PRDX3: variants seen among roughly 807,000 people sequenced by gnomAD.
The protein encoded by PRDX3 is thioredoxin-dependent peroxide reductase, mitochondrial.
PRDX3 carries 20 observed loss-of-function variants against 30.4 expected under a neutral mutation model. That is an observed-to-expected ratio of 0.66 (90% CI 0.46 to 0.96). The LOEUF (loss-of-function observed/expected upper bound fraction) is 0.96, where lower values mean the gene tolerates loss of function less well. Among genes scored for constraint, PRDX3 ranks in the 40% least tolerant of loss-of-function variants. The pLI is 0.00. For missense variants in PRDX3, 322 were observed against 318.3 expected, an observed-to-expected ratio of 1.01 and a Z score of -0.09; for synonymous variants, 124 against 117.8, an observed-to-expected ratio of 1.05 and a Z score of -0.34.
At chr10:119,178,611 G>T in intron 1 of PRDX3, 144 bp downstream of exon 1, 1 of 1,032,044 alleles carries the variant, frequency 9.7e-7, no homozygotes. Context: ...CTTCCCGGAG[G>T]GAGGCCTCTG....
chr10:119,168,433 C>T lies in PRDX3; in HGVS notation c.*47G>A. ...TGAAAATGATAAAAGCAGGTTTCAACTGTGGTTCTTCTCTCAGTTGAGAAG... is the reference window on the plus strand; with the variant it reads ...TGAAAATGATAAAAGCAGGTTTCAATTGTGGTTCTTCTCTCAGTTGAGAAG... On this transcript the variant is annotated 3_prime_UTR_variant, in exon 7 of 7. Coordinates refer to ENST00000298510, the MANE Select transcript of PRDX3 (RefSeq NM_006793.5). 2 of 1,609,816 alleles carry T rather than the reference C, an allele frequency of 1.2e-6. No homozygotes were observed. The highest frequency in any genetic ancestry group is 1.7e-6 in the Non-Finnish European group (2 of 1,179,220).
Position 119,177,168 on chromosome 10 carries a change from T to C in PRDX3, c.37-15A>G, listed in dbSNP as rs747590354. On this transcript the variant is annotated splice_polypyrimidine_tract_variant and intron_variant, in intron 1 of 6. Transcript: ENST00000298510. ...TGTCGGGCAACCTGGAAAGAGAAAC[T>C]TTTTATTAGAAAGTTTTCCTGGACT... The C allele has an allele frequency of 6.2e-7, 1 of 1,612,000 alleles. No individual in the cohort carries two copies. The highest frequency in any genetic ancestry group is 2.2e-5 in the East Asian group (1 of 44,884).
intron 2 of PRDX3, among the ~76,000 whole-genome samples, chr10:119,175,960 T>C (rs1482156484): frequency 1.3e-5 from 2 of 151,800 alleles, no homozygotes; most frequent in African/African-American, 2.4e-5. Context: ...TTTTAAGTAT[T>C]TTTAGTAGAG....
intron 5 of PRDX3, among the ~76,000 whole-genome samples, chr10:119,171,671 GT>G (rs1847910765): frequency 6.6e-6 from 1 of 152,196 alleles, no homozygotes. Flanking sequence ...AACTCTAGCT[GT>G]GTCACTATTT....
chr10:119,178,744 C>G lies in PRDX3; in HGVS notation c.36+11G>C. The stretch of plus-strand genomic sequence containing the variant: ...TGTCTCCACGCCTGTCCCCAGCCGA[C>G]AGCCACTCACCGACGCTCGGAGCAA... On this transcript the variant is annotated intron_variant, in intron 1 of 6. Coordinates refer to ENST00000298510, the MANE Select transcript of PRDX3 (RefSeq NM_006793.5). 1 of 1,551,672 alleles carries G rather than the reference C, an allele frequency of 6.4e-7. No individual in the cohort carries two copies. Among genetic ancestry groups the G allele is most frequent in the Non-Finnish European group, 8.7e-7 (1 of 1,147,492 alleles).
rs1162859439 is a variant in PRDX3, at chr10:119,178,797, T to C, written c.-7A>G. On this transcript the variant is annotated 5_prime_UTR_variant, in exon 1 of 7. Transcript: ENST00000298510. The stretch of plus-strand genomic sequence containing the variant: ...GTCCTACAGCAGCCGCCATCTTCAG[T>C]GCACTCGGGCGCCACGGGGCGGGCA... 27 of 1,548,606 alleles carry C rather than the reference T, an allele frequency of 1.7e-5. No individual in the cohort carries two copies. Among genetic ancestry groups the C allele is most frequent in the Admixed American group, 7.8e-5 (4 of 51,086 alleles).
At chr10:119,174,723 G>T in intron 2 of PRDX3, 131 bp from the exon 3 acceptor site, 1 of 910,438 alleles carries the variant, frequency 1.1e-6, no homozygotes, top group Non-Finnish European at 1.6e-6. Context: ...CGGTTCAACT[G>T]TACATCTTAG....
rs1189311700 is a variant in PRDX3 at position 119,172,784 on chromosome 10, T to A, written c.448-299A>T. On this transcript the variant is annotated intron_variant, in intron 4 of 6. Transcript: ENST00000298510. ...TATAGACCTTTTCCAATTTTTTTTT[T>A]AAGACACAGAGTCTCGCTGTCACCA... 3.3e-5 allele frequency among the ~76,000 whole-genome samples: 5 copies of A among 152,058 alleles called. No individual in the cohort carries two copies. The East Asian group carries it at 9.6e-4, about 29-fold the overall frequency.
rs1589662901 is a variant in PRDX3 at position 119,172,978 on chromosome 10, GC to G, written c.448-494del. Among the ~76,000 whole-genome samples, 6 of 151,884 alleles carry G rather than the reference GC, an allele frequency of 4.0e-5. No individual in the cohort carries two copies. The East Asian group carries it at 1.2e-3, about 29-fold the overall frequency. On this transcript the variant is annotated intron_variant, in intron 4 of 6. Transcript: ENST00000298510. ...TTTTGAGATGGAGTCTCGCTCTGTC[GC>G]CCAGGCTGGAGTGCAGTGGTGCGAT...
chr10:119,168,439 T>C lies in PRDX3; in HGVS notation c.*41A>G, dbSNP rs770898211. 52 of 1,610,190 alleles carry C rather than the reference T, an allele frequency of 3.2e-5. No homozygotes were observed. The highest frequency in any genetic ancestry group is 6.7e-5 in the East Asian group (3 of 44,846). ...TGATAAAAGCAGGTTTCAACTGTGGTTCTTCTCTCAGTTGAGAAGGTGCAG... is the reference window on the plus strand; with the variant it reads ...TGATAAAAGCAGGTTTCAACTGTGGCTCTTCTCTCAGTTGAGAAGGTGCAG... On this transcript the variant is annotated 3_prime_UTR_variant, in exon 7 of 7. Coordinates refer to ENST00000298510, the MANE Select transcript of PRDX3 (RefSeq NM_006793.5).
At chr10:119,173,308 TA>T (rs200887547) in intron 4 of PRDX3, among the ~76,000 whole-genome samples, 2 of 151,720 alleles carry the variant, frequency 1.3e-5, no homozygotes, top group Non-Finnish European at 2.9e-5. Flanking sequence ...AGAGTAATAA[TA>T]AAAAAAATAC....
At position 119,169,358 on chromosome 10, in the gene PRDX3, T is replaced by C; in HGVS notation, c.552-16A>G. 3 of 1,609,934 alleles carry C rather than the reference T, an allele frequency of 1.9e-6. No individual in the cohort carries two copies. The highest frequency in any genetic ancestry group is 1.7e-6 in the Non-Finnish European group (2 of 1,177,220). ...GAAGAGACCTCTGCATGATCATTTA[T>C]CCTCATCAGTGCCTCAACAGTACCA... On this transcript the variant is annotated splice_polypyrimidine_tract_variant and intron_variant, in intron 5 of 6. Coordinates refer to ENST00000298510, the MANE Select transcript of PRDX3 (RefSeq NM_006793.5).
At chr10:119,176,874 TTGTCTGGGGTGGGACGGGGGCAG>T (rs2133665214) in intron 2 of PRDX3, 124 bp downstream of exon 2, 2 of 930,516 alleles carry the variant, frequency 2.1e-6, no homozygotes, top group East Asian at 5.0e-5. Context: ...ACAGACTAAC[TTGTCTGGGGTGGGACGGGGGCAG>T]TGCTGTGTTC....
rs574617414 is a variant in PRDX3, at chr10:119,173,858, G to A, written c.326C>T (p.Pro109Leu). Residue 109 changes from proline (P) to leucine (L), a missense_variant, in exon 4 of 7, where the codon CCT becomes CTT. Pro to Leu is a moderately conservative substitution (Grantham distance 98). Coordinates refer to ENST00000298510, the MANE Select transcript of PRDX3 (RefSeq NM_006793.5). ...GTCACTAAAAGCAACAATTTCTGTA[G>A]GACACACAAAGGTGCTGGAAAAAAA... ...FYPLDFTFVC[P>L]TEIVAFSDKA... 1 of 1,608,130 alleles carries A rather than the reference G, an allele frequency of 6.2e-7. No homozygotes were observed. The highest frequency in any genetic ancestry group is 8.5e-7 in the Non-Finnish European group (1 of 1,175,776).
intron 2 of PRDX3, among the ~76,000 whole-genome samples, chr10:119,175,669 A>G (rs947247636): frequency 2.0e-5 from 3 of 152,082 alleles, no homozygotes; most frequent in Non-Finnish European, 4.4e-5. Flanking sequence ...TGCTGGGATT[A>G]CAGGCGTGAG....
chr10:119,174,014 T>C, intron 3 of PRDX3, 142 bp from the exon 4 acceptor site: 1 of 710,274 alleles, frequency 1.4e-6, no homozygotes, highest in Non-Finnish European at 2.1e-6. Context: ...AGTGTTGTGC[T>C]GGCAAAAGTA....
Position 119,168,293 on chromosome 10 carries a change from C to A in PRDX3, c.*187G>T. The A allele has an allele frequency of 8.3e-7, 1 of 1,212,076 alleles. No individual in the cohort carries two copies. The highest frequency in any genetic ancestry group is 1.6e-5 in the South Asian group (1 of 60,854). 75.1% of individuals were successfully genotyped at this position (1,212,076 alleles called of 1,614,324 possible). On this transcript the variant is annotated 3_prime_UTR_variant, in exon 7 of 7. Coordinates refer to ENST00000298510, the MANE Select transcript of PRDX3 (RefSeq NM_006793.5). ...TGTTACCAATAAAGGATTCCTTGTACTAGCAACTAACCATGTTTAAAAGGT... is the reference window on the plus strand; with the variant it reads ...TGTTACCAATAAAGGATTCCTTGTAATAGCAACTAACCATGTTTAAAAGGT...
intron 5 of PRDX3, among the ~76,000 whole-genome samples, chr10:119,171,276 G>T (rs561925285): frequency 1.7e-3 from 253 of 151,994 alleles, no homozygotes; most frequent in African/African-American, 5.9e-3. Flanking sequence ...TCTTGACCTC[G>T]TGATCCACCT....
At chr10:119,174,338 C>CTT in intron 3 of PRDX3, 113 bp downstream of exon 3, 1 of 1,288,390 alleles carries the variant, frequency 7.8e-7, no homozygotes, top group Middle Eastern at 2.8e-4. Flanking sequence ...GATAAAGGGT[C>CTT]AGAAAGAATC....
Sources: allele counts gnomAD v4.1 joint callset (sites outside exome capture counted in the v4.1 genomes callset), GRCh38; gene constraint gnomAD v4.1.1; transcripts MANE v1.5; gene names NCBI Gene and HGNC (gene_info 2026-07-23, HGNC 2026-07-21).